SPOCK1: variants seen among roughly 807,000 people sequenced by gnomAD.
SPOCK1 encodes the protein testican-1.
In SPOCK1, 23 loss-of-function variants were observed where a neutral mutation model predicts 55.3. That is an observed-to-expected ratio of 0.42 (90% CI 0.30 to 0.59). The LOEUF (loss-of-function observed/expected upper bound fraction) is 0.59. Ranked by LOEUF, SPOCK1 falls within the 20% of genes least tolerant of loss-of-function variation. The pLI is 0.22. For missense variants in SPOCK1, 499 were observed against 552.5 expected, an observed-to-expected ratio of 0.90 and a Z score of 0.97; for synonymous variants, 226 against 221.0, an observed-to-expected ratio of 1.02 and a Z score of -0.20.
chr5:137,111,473 C>T (rs567002743), intron 5 of SPOCK1, among the ~76,000 whole-genome samples: 3 of 152,174 alleles, frequency 2.0e-5, no homozygotes, highest in Non-Finnish European at 4.4e-5. Flanking sequence ...GACACACGCA[C>T]CCATACACTG....
At chr5:137,077,520 C>T (rs2127011700) in intron 5 of SPOCK1, among the ~76,000 whole-genome samples, 1 of 152,354 alleles carries the variant, frequency 6.6e-6, no homozygotes, top group South Asian at 2.1e-4. Flanking sequence ...GTCAAAGCCA[C>T]TTTAACATGT....
At chr5:137,043,379 C>T (rs1007237126) in intron 6 of SPOCK1, among the ~76,000 whole-genome samples, 2 of 152,088 alleles carry the variant, frequency 1.3e-5, no homozygotes, top group African/African-American at 4.8e-5. Flanking sequence ...TTTATGTAGA[C>T]ACTCTACCCT....
At chr5:137,194,475 TG>T (rs1391986820) in intron 3 of SPOCK1, among the ~76,000 whole-genome samples, 1 of 150,532 alleles carries the variant, frequency 6.6e-6, no homozygotes, top group Non-Finnish European at 1.5e-5. Flanking sequence ...GAGTGGCGGG[TG>T]GAAAGTGCCA....
intron 3 of SPOCK1, among the ~76,000 whole-genome samples, chr5:137,159,821 C>T (rs1754489594): frequency 6.6e-6 from 1 of 152,102 alleles, no homozygotes; most frequent in South Asian, 2.1e-4. Flanking sequence ...TCTCTTTCTA[C>T]CACATCTGCA....
chr5:137,498,480 G>A lies in SPOCK1; in HGVS notation c.79C>T (p.Leu27Phe). 1.2e-6 allele frequency: 2 copies of A among 1,600,048 alleles called. No individual in the cohort carries two copies. The highest frequency in any genetic ancestry group is 1.7e-6 in the Non-Finnish European group (2 of 1,175,554). The part of the protein sequence containing the change: ...LQVESRHLDA[L>F]AGGAGPNHGN... ...TGGTTGGGGCCCGCGCCTCCGGCGAGCGCGTCCAGGTGCCGGCTCTCGACT... is the reference window on the plus strand; with the variant it reads ...TGGTTGGGGCCCGCGCCTCCGGCGAACGCGTCCAGGTGCCGGCTCTCGACT... The change falls in exon 2 of 11, where the codon CTC becomes TTC. Residue 27 changes from leucine (L) to phenylalanine (F), a missense_variant. Leu to Phe is a conservative substitution (Grantham distance 22). Transcript: ENST00000394945.
chr5:137,097,918 G>T (rs1446213535), intron 5 of SPOCK1, among the ~76,000 whole-genome samples: 1 of 152,176 alleles, frequency 6.6e-6, no homozygotes, highest in East Asian at 1.9e-4. Flanking sequence ...AGAACATGGT[G>T]CAATCCCACC....
At chr5:137,374,507 G>A (rs1751270144) in intron 2 of SPOCK1, among the ~76,000 whole-genome samples, 1 of 152,180 alleles carries the variant, frequency 6.6e-6, no homozygotes, top group Non-Finnish European at 1.5e-5. Flanking sequence ...CAGGGAGGAG[G>A]GCCTCAGAGG....
At position 137,079,891 on chromosome 5, in the gene SPOCK1, CA is replaced by C. The variant is rs1752851680; in HGVS notation, c.475-12063del. ...AGTGACATTTCCAGCCCACCCCACT[CA>C]ACAACACACCGTCCCATGCCTGCTC... is the stretch of plus-strand genomic sequence containing the variant. On this transcript the variant is annotated intron_variant, in intron 5 of 10. Transcript: ENST00000394945. Among the ~76,000 whole-genome samples the C allele has an allele frequency of 2.0e-5, 3 of 152,160 alleles. No homozygotes were observed. The South Asian group carries it at 6.3e-4, about 32-fold the overall frequency.
chr5:137,449,450 G>A (rs1366292084), intron 2 of SPOCK1, among the ~76,000 whole-genome samples: 3 of 152,180 alleles, frequency 2.0e-5, no homozygotes, highest in Non-Finnish European at 2.9e-5. Flanking sequence ...AAGCAGTTCT[G>A]ATTGTCTGTG....
intron 2 of SPOCK1, among the ~76,000 whole-genome samples, chr5:137,392,873 A>G (rs1423048804): frequency 6.6e-6 from 1 of 152,070 alleles, no homozygotes; most frequent in East Asian, 1.9e-4. Flanking sequence ...TGTGTGCCAA[A>G]TATCATTTTT....
chr5:137,161,109 A>T (rs1466849989), intron 3 of SPOCK1, among the ~76,000 whole-genome samples: 1 of 146,662 alleles, frequency 6.8e-6, no homozygotes, highest in Non-Finnish European at 1.5e-5. Flanking sequence ...TATATATCTA[A>T]TATATAATAT....
chr5:137,353,518 C>T (rs1750726602), intron 2 of SPOCK1, among the ~76,000 whole-genome samples: 2 of 152,304 alleles, frequency 1.3e-5, no homozygotes, highest in Middle Eastern at 3.4e-3. Context: ...CCACACACCT[C>T]GGGATGGGTT....
chr5:136,992,628 T>TGGGGCTG (rs765110682), intron 6 of SPOCK1, 28 bp from the exon 7 acceptor site: 465 of 1,574,012 alleles, frequency 3.0e-4, no homozygotes, highest in Non-Finnish European at 3.9e-4. Flanking sequence ...GAACAGACAA[T>TGGGGCTG]GGGGCTGGGG....
At chr5:137,402,687 G>A (rs1327641850) in intron 2 of SPOCK1, among the ~76,000 whole-genome samples, 1 of 152,124 alleles carries the variant, frequency 6.6e-6, no homozygotes, top group East Asian at 1.9e-4. Context: ...ACAGCTCTTT[G>A]AAATCACGTC....
At chr5:137,214,442 A>T (rs1021338462) in intron 3 of SPOCK1, among the ~76,000 whole-genome samples, 11 of 152,220 alleles carry the variant, frequency 7.2e-5, no homozygotes, top group African/African-American at 2.4e-4. Context: ...TTACAGAAGC[A>T]TGTGGCTCCA....
At chr5:137,293,298 G>A (rs908680799) in intron 2 of SPOCK1, among the ~76,000 whole-genome samples, 5 of 152,106 alleles carry the variant, frequency 3.3e-5, no homozygotes, top group Admixed American at 6.5e-5. Context: ...CAACAAATTA[G>A]TTTAATCTCA....
chr5:137,187,664 G>A (rs981014544), intron 3 of SPOCK1, among the ~76,000 whole-genome samples: 4 of 152,122 alleles, frequency 2.6e-5, no homozygotes, highest in Non-Finnish European at 4.4e-5. Context: ...TGGACACAAC[G>A]GTACGCTCAC....
chr5:137,436,575 G>A (rs1752869956), intron 2 of SPOCK1, among the ~76,000 whole-genome samples: 1 of 151,894 alleles, frequency 6.6e-6, no homozygotes, highest in African/African-American at 2.4e-5. Context: ...AAAATTTTTT[G>A]GCAATTCCAG....
In SPOCK1 at chr5:137,243,753, G is replaced by C. The variant is rs563819606; in HGVS notation, c.232+23257C>G. On this transcript the variant is annotated intron_variant, in intron 3 of 10. Transcript: ENST00000394945. ...AAATCCCTTATTATGACTGAACATG[G>C]CTAGCTGCAGGTATGAGACCTCCAG... is the stretch of plus-strand genomic sequence containing the variant. Among the ~76,000 whole-genome samples, 10 of 152,178 alleles carry C rather than the reference G, an allele frequency of 6.6e-5. 1 individual carries two copies. In the Middle Eastern group the frequency reaches 0.02, roughly 311 times the overall value.
Sources: allele counts gnomAD v4.1 joint callset (sites outside exome capture counted in the v4.1 genomes callset), GRCh38; gene constraint gnomAD v4.1.1; transcripts MANE v1.5; gene names NCBI Gene and HGNC (gene_info 2026-07-23, HGNC 2026-07-21).